Variants in PCDHGB6 observed in about 807,000 individuals in gnomAD.
PCDHGB6 encodes the protein protocadherin gamma subfamily B, 6.
In PCDHGB6, 51 loss-of-function variants were observed where a neutral mutation model predicts 59.1. The ratio of observed to expected loss-of-function variants is 0.86; its 90% CI spans 0.69 to 1.09. The LOEUF (loss-of-function observed/expected upper bound fraction) is 1.09. Ranked by LOEUF, PCDHGB6 falls within the 50% of genes least tolerant of loss-of-function variation. PCDHGB6 has a pLI of 0.00. For synonymous variants in PCDHGB6, 466 were observed against 495.1 expected (o/e 0.94, Z 0.78); for missense variants, 1,148 against 1,205.1 (o/e 0.95, Z 0.70).
At chr5:141,420,748 C>G (rs2096523185) in intron 1 of PCDHGB6, among the ~76,000 whole-genome samples, 1 of 152,214 alleles carries the variant, frequency 6.6e-6, no homozygotes, top group Non-Finnish European at 1.5e-5. Context: ...TTGGAACCAA[C>G]TACAACCTAC....
In PCDHGB6 at chr5:141,408,815, C is replaced by T. The variant is rs770899981; in HGVS notation, c.613C>T (p.Gln205Ter). The change falls in exon 1 of 4, where the codon CAG becomes TAG. Residue 205 changes from glutamine to a stop codon, truncating the protein, a stop_gained. Coordinates refer to ENST00000520790, the MANE Select transcript of PCDHGB6 (RefSeq NM_018926.3). LOFTEE classifies it high-confidence loss of function. The stretch of plus-strand genomic sequence containing the variant: ...GGAGAAACTCCTAGACCGGGAAGAA[C>T]AGAGATCTCATAGCTTGATATTGAC... ...SLEKLLDREE[Q>*]RSHSLILTAL... The T allele has an allele frequency of 6.2e-7, 1 of 1,613,406 alleles. No homozygotes were observed. The highest frequency in any genetic ancestry group is 8.5e-7 in the Non-Finnish European group (1 of 1,179,712).
At chr5:141,495,810 C>A (rs1003475681) in intron 2 of PCDHGB6, among the ~76,000 whole-genome samples, 2 of 152,088 alleles carry the variant, frequency 1.3e-5, no homozygotes, top group African/African-American at 4.8e-5. Flanking sequence ...CGTTTCCTAG[C>A]GCCTTGTGTT....
chr5:141,428,561 A>G (rs879118525), intron 1 of PCDHGB6: 16 of 238,202 alleles, frequency 6.7e-5, no homozygotes, highest in South Asian at 5.9e-4. Context: ...GTCCCCCCAC[A>G]AGATCTTTCT....
At chr5:141,419,290 T>C (rs1160812369) in intron 1 of PCDHGB6, 1 of 1,613,914 alleles carries the variant, frequency 6.2e-7, no homozygotes, top group African/African-American at 1.3e-5. Context: ...TCAGTGCCTC[T>C]GACCCAGACT....
chr5:141,480,719 A>G (rs1455113968), intron 1 of PCDHGB6, among the ~76,000 whole-genome samples: 1 of 152,194 alleles, frequency 6.6e-6, no homozygotes, highest in Non-Finnish European at 1.5e-5. Flanking sequence ...ATGAAAGCAC[A>G]GTCTCTGGGG....
intron 1 of PCDHGB6, among the ~76,000 whole-genome samples, chr5:141,492,341 C>T (rs2099739551): frequency 6.6e-6 from 1 of 152,222 alleles, no homozygotes; most frequent in East Asian, 1.9e-4. Flanking sequence ...CGAATACCAG[C>T]TTTCACTGCC....
Position 141,489,276 on chromosome 5 carries a change from A to G in PCDHGB6, c.2419-5531A>G. 6.4e-7 allele frequency: 1 copy of G among 1,556,122 alleles called. No homozygotes were observed. Among genetic ancestry groups the G allele is most frequent in the Non-Finnish European group, 8.7e-7 (1 of 1,151,562 alleles). On this transcript the variant is annotated intron_variant, in intron 1 of 3. Coordinates refer to ENST00000520790, the MANE Select transcript of PCDHGB6 (RefSeq NM_018926.3). The surrounding 1 kb of genome is among the most constrained non-coding windows in gnomAD (Gnocchi z 4.5). ...AGACACTCCCACAGCTCGCTGGGAA[A>G]TGGCAAGTGCTGTGCATGTTGTCCT...
In PCDHGB6 at chr5:141,477,005, T is replaced by C; in HGVS notation, c.2419-17802T>C. The C allele has an allele frequency of 1.2e-6, 2 of 1,614,240 alleles. No individual in the cohort carries two copies. Among genetic ancestry groups the C allele is most frequent in the Non-Finnish European group, 1.7e-6 (2 of 1,180,040 alleles). Reference sequence around the variant, plus strand: ...CGCCGGCGTGCGGCAACTATTCGCCTTAGACCTTGTAACCGGGATGCTGAC... The same window carrying C: ...CGCCGGCGTGCGGCAACTATTCGCCCTAGACCTTGTAACCGGGATGCTGAC... On this transcript the variant is annotated intron_variant, in intron 1 of 3. Transcript: ENST00000520790. The surrounding 1 kb of genome is among the most constrained non-coding windows in gnomAD (Gnocchi z 4.9).
intron 1 of PCDHGB6, chr5:141,413,459 A>G: frequency 6.2e-7 from 1 of 1,614,080 alleles, no homozygotes; most frequent in Non-Finnish European, 8.5e-7. Flanking sequence ...GGCAGGATAG[A>G]CCGGGAGGAG....
rs1315225126 is a variant in PCDHGB6 at position 141,487,926 on chromosome 5, A to G, written c.2419-6881A>G. The G allele has an allele frequency of 2.2e-5, 14 of 626,676 alleles. No individual in the cohort carries two copies. Among genetic ancestry groups the G allele is most frequent in the Non-Finnish European group, 3.9e-5 (14 of 359,988 alleles). The allele number at this position is 626,676 out of a possible 1,614,324, so 38.8% of individuals were successfully genotyped here. ...GTGGGAGCACAGGAGGCTACAGTGC[A>G]CAGGGTACAGTGCACCAGGCAGTCA... On this transcript the variant is annotated intron_variant, in intron 1 of 3. Coordinates refer to ENST00000520790, the MANE Select transcript of PCDHGB6 (RefSeq NM_018926.3). The surrounding 1 kb of genome is among the most constrained non-coding windows in gnomAD (Gnocchi z 5.0).
chr5:141,478,711 T>C, intron 1 of PCDHGB6: 3 of 1,547,346 alleles, frequency 1.9e-6, no homozygotes, highest in Non-Finnish European at 1.7e-6. Flanking sequence ...CTTTGTGAGA[T>C]GGTGGCCTGC....
intron 1 of PCDHGB6, chr5:141,421,255 C>A (rs759899934): frequency 1.9e-6 from 3 of 1,607,644 alleles, no homozygotes; most frequent in Non-Finnish European, 2.5e-6. Context: ...GCGCGGGGAC[C>A]GCAGTCGGCT....
chr5:141,511,711 T>G lies in PCDHGB6; in HGVS notation c.*538T>G. 1 of 185,916 alleles carries G rather than the reference T, an allele frequency of 5.4e-6. No individual in the cohort carries two copies. Among genetic ancestry groups the G allele is most frequent in the South Asian group, 1.1e-4 (1 of 8,818 alleles). The allele number at this position is 185,916 out of a possible 1,614,324, so 11.5% of individuals were successfully genotyped here. A position where few individuals can be genotyped will look rare whatever the true frequency, so the allele number is the denominator to read the frequency against. Reference sequence around the variant, plus strand: ...GTTTGGTGCCAGCCCCTTCACCTCCTTCCAGAGCCCAAGATCAATGCTCAA... The same window carrying G: ...GTTTGGTGCCAGCCCCTTCACCTCCGTCCAGAGCCCAAGATCAATGCTCAA... On this transcript the variant is annotated 3_prime_UTR_variant, in exon 4 of 4. Transcript: ENST00000520790.
At chr5:141,474,002 G>A (rs1020912365) in intron 1 of PCDHGB6, among the ~76,000 whole-genome samples, 5 of 152,078 alleles carry the variant, frequency 3.3e-5, no homozygotes, top group Non-Finnish European at 5.9e-5. Context: ...CCAAGGAGCT[G>A]GAAGTTACAG....
intron 1 of PCDHGB6, chr5:141,478,819 C>G (rs927315523): frequency 2.1e-6 from 3 of 1,447,842 alleles, no homozygotes; most frequent in Non-Finnish European, 2.7e-6. Context: ...CACAACTAAC[C>G]AATCTTGCTA....
rs201391904 is a variant in PCDHGB6, at chr5:141,494,843, G to A, written c.2455G>A (p.Ala819Thr). Residue 819 changes from alanine to threonine, a missense_variant, in exon 2 of 4, where the codon GCC becomes ACC. Transcript: ENST00000520790. ...PPNTDWRFSQ[A>T]QRPGTSGSQN... is the part of the protein sequence containing the mutation. ...CAACACGGACTGGCGTTTCTCTCAG[G>A]CCCAGAGACCCGGCACCAGCGGGTA... 1.9e-6 allele frequency: 3 copies of A among 1,614,088 alleles called. No homozygotes were observed. Among genetic ancestry groups the A allele is most frequent in the Admixed American group, 3.3e-5 (2 of 60,008 alleles).
intron 1 of PCDHGB6, chr5:141,422,096 C>T: frequency 6.2e-7 from 1 of 1,610,710 alleles, no homozygotes; most frequent in Non-Finnish European, 8.5e-7. Context: ...AGCAAGGCTT[C>T]TGAAATATTC....
At chr5:141,426,986 C>A (rs764345099) in intron 1 of PCDHGB6, 6 of 456,618 alleles carry the variant, frequency 1.3e-5, no homozygotes, top group Non-Finnish European at 2.2e-5. Flanking sequence ...CTGATGCCAA[C>A]GATAATGCCC....
intron 2 of PCDHGB6, among the ~76,000 whole-genome samples, chr5:141,501,287 TTA>T (rs1491235092): frequency 6.2e-5 from 6 of 96,980 alleles, no homozygotes; most frequent in African/African-American, 2.5e-4. Context: ...GGATATTCCC[TTA>T]TACACACACA....
Sources: gnomAD v4.1 joint callset for allele counts (sites outside exome capture counted in the v4.1 genomes callset) on GRCh38, gnomAD v4.1.1 for gene constraint, Gnocchi (gnomAD v3.1) non-coding constraint, MANE v1.5 for transcripts, NCBI Gene and HGNC (gene_info 2026-07-23, HGNC 2026-07-21) for gene names.